The following ZBTB20 variants were observed in gnomAD, a reference collection of about 807,000 sequenced individuals.
ZBTB20 encodes the protein zinc finger and BTB domain containing 20.
A neutral mutation model predicts 56.9 loss-of-function variants in ZBTB20; 9 were observed. The observed-to-expected ratio is 0.16, with a 90% CI of 0.10 to 0.28. The LOEUF (loss-of-function observed/expected upper bound fraction) is 0.28. Ranked by LOEUF, ZBTB20 falls within the 10% of genes least tolerant of loss-of-function variation. ZBTB20 has a pLI of 1.00. For synonymous variants in ZBTB20, 417 were observed against 420.7 expected (o/e 0.99, Z 0.11); for missense variants, 655 against 1,003.0 (o/e 0.65, Z 4.69).
At chr3:114,876,349 C>T (rs1285605003) in intron 4 of ZBTB20, 1 of 152,060 alleles carries the variant, frequency 6.6e-6, no homozygotes, top group Non-Finnish European at 1.5e-5. Context: ...ACTCAGCAGG[C>T]TGAGGCAGAA....
chr3:115,033,332 T>G (rs986276022), intron 2 of ZBTB20, among the ~76,000 whole-genome samples: 1 of 151,594 alleles, frequency 6.6e-6, no homozygotes, highest in Non-Finnish European at 1.5e-5. Context: ...AAAATCTGAA[T>G]AGACCTATAT....
chr3:114,831,090 T>A (rs1020061478), intron 4 of ZBTB20, among the ~76,000 whole-genome samples: 1 of 99,520 alleles, frequency 1.0e-5, no homozygotes, highest in East Asian at 2.1e-4. Flanking sequence ...CTTTCTTCTT[T>A]TTTTTTTTTT....
At chr3:115,057,208 T>G (rs1219824641) in intron 2 of ZBTB20, among the ~76,000 whole-genome samples, 1 of 152,146 alleles carries the variant, frequency 6.6e-6, no homozygotes, top group South Asian at 2.1e-4. Context: ...TATAAGAAAG[T>G]TTAAATCCAT....
chr3:114,524,690 A>G (rs1391866361), intron 6 of ZBTB20, among the ~76,000 whole-genome samples: 1 of 152,048 alleles, frequency 6.6e-6, no homozygotes, highest in Non-Finnish European at 1.5e-5. Context: ...CTCCCTATCC[A>G]AATTATCTCC....
intron 4 of ZBTB20, among the ~76,000 whole-genome samples, chr3:114,880,731 C>G (rs1298595533): frequency 6.6e-6 from 1 of 151,946 alleles, no homozygotes; most frequent in Non-Finnish European, 1.5e-5. Flanking sequence ...GTATGGAATA[C>G]TATATAATCA....
chr3:114,405,906 A>G (rs1257621573), intron 7 of ZBTB20, among the ~76,000 whole-genome samples: 1 of 152,072 alleles, frequency 6.6e-6, no homozygotes, highest in Non-Finnish European at 1.5e-5. Context: ...TCATTCAGAT[A>G]TAGTATCTTC....
In ZBTB20 at chr3:114,938,665, C is replaced by T. The variant is rs529657568; in HGVS notation, c.-456+35701G>A. Among the ~76,000 whole-genome samples the T allele has an allele frequency of 1.1e-4, 16 of 145,230 alleles. 2 individuals are homozygous for T. In the South Asian group the frequency reaches 2.8e-3, roughly 26 times the overall value. ...GGGAGGGGAACATCACACATTGGGG[C>T]CTGTCGGGTGGTGGGGAAGTAGGGG... On this transcript the variant is annotated intron_variant, in intron 3 of 11. Coordinates refer to ENST00000675478, the MANE Select transcript of ZBTB20 (RefSeq NM_001348800.3).
chr3:114,787,377 A>ACC (rs1553821576), intron 5 of ZBTB20, among the ~76,000 whole-genome samples: 2 of 141,524 alleles, frequency 1.4e-5, no homozygotes, highest in African/African-American at 2.6e-5. Flanking sequence ...ATACACACAC[A>ACC]CACACACACA....
At chr3:114,435,403 A>AT (rs941732157) in intron 7 of ZBTB20, among the ~76,000 whole-genome samples, 4 of 151,946 alleles carry the variant, frequency 2.6e-5, no homozygotes, top group Admixed American at 6.6e-5. Flanking sequence ...TATTTTGCCC[A>AT]TTTTTTTTGT....
At chr3:114,544,147 G>A (rs1036437394) in intron 6 of ZBTB20, among the ~76,000 whole-genome samples, 9 of 152,108 alleles carry the variant, frequency 5.9e-5, no homozygotes, top group Non-Finnish European at 1.3e-4. Flanking sequence ...TGGTCATAAA[G>A]ATAAATTAAA....
At chr3:115,097,712 C>T (rs2083432694) in intron 1 of ZBTB20, among the ~76,000 whole-genome samples, 1 of 152,170 alleles carries the variant, frequency 6.6e-6, no homozygotes, top group South Asian at 2.1e-4. Flanking sequence ...ATATCATGTG[C>T]TGATAGGAAG....
At chr3:114,534,439 C>A (rs1481864412) in intron 6 of ZBTB20, among the ~76,000 whole-genome samples, 1 of 152,220 alleles carries the variant, frequency 6.6e-6, no homozygotes, top group Non-Finnish European at 1.5e-5. Flanking sequence ...GAAGAGCTAA[C>A]TGTCCTAAAT....
intron 7 of ZBTB20, among the ~76,000 whole-genome samples, chr3:114,499,590 A>G (rs1448844883): frequency 6.6e-6 from 1 of 152,228 alleles, no homozygotes; most frequent in African/African-American, 2.4e-5. Context: ...GGTGTCTCTT[A>G]TAAGTGACTT....
chr3:115,078,899 A>G (rs1274428999), intron 1 of ZBTB20, among the ~76,000 whole-genome samples: 1 of 152,144 alleles, frequency 6.6e-6, no homozygotes, highest in Non-Finnish European at 1.5e-5. Flanking sequence ...TATCAAGTGA[A>G]TTAAAAGAAT....
chr3:115,018,772 A>T (rs1233975614), intron 2 of ZBTB20, among the ~76,000 whole-genome samples: 1 of 151,460 alleles, frequency 6.6e-6, no homozygotes, highest in Non-Finnish European at 1.5e-5. Flanking sequence ...GTAGCATTAA[A>T]GTAAAATGAA....
At chr3:114,410,980 G>T (rs2087891504) in intron 7 of ZBTB20, among the ~76,000 whole-genome samples, 1 of 152,162 alleles carries the variant, frequency 6.6e-6, no homozygotes, top group Non-Finnish European at 1.5e-5. Flanking sequence ...CATCGAGTTA[G>T]TGAGGGTTTT....
intron 6 of ZBTB20, among the ~76,000 whole-genome samples, chr3:114,646,201 G>GA (rs1445358348): frequency 2.0e-5 from 3 of 151,788 alleles, no homozygotes; most frequent in Admixed American, 6.6e-5. Context: ...GTCTGTGGGT[G>GA]AAACAGGAGG....
chr3:115,006,926 C>G (rs893869170), intron 2 of ZBTB20, among the ~76,000 whole-genome samples: 1 of 151,558 alleles, frequency 6.6e-6, no homozygotes, highest in Non-Finnish European at 1.5e-5. Context: ...TTAGCTGTTT[C>G]TTTTTATTAA....
At chr3:114,653,253 C>T (rs897627273) in intron 6 of ZBTB20, among the ~76,000 whole-genome samples, 4 of 151,236 alleles carry the variant, frequency 2.6e-5, no homozygotes, top group South Asian at 2.1e-4. Context: ...TCATTAAGGA[C>T]GGTATTAATT....
Sources: gnomAD v4.1 joint callset for allele counts (sites outside exome capture counted in the v4.1 genomes callset) on GRCh38, gnomAD v4.1.1 for gene constraint, MANE v1.5 for transcripts, NCBI Gene and HGNC (gene_info 2026-07-23, HGNC 2026-07-21) for gene names.